Variants in ANO3 observed in about 807,000 individuals in gnomAD.
The protein encoded by ANO3 is anoctamin 3.
Under a neutral mutation model 144.8 loss-of-function variants are expected in ANO3, and 99 were observed. The ratio of observed to expected loss-of-function variants is 0.68; its 90% CI spans 0.58 to 0.81. ANO3 has a LOEUF of 0.81. ANO3 is among the 30% of genes least tolerant of loss of function. ANO3 has a pLI of 0.00. For missense variants in ANO3, 905 were observed against 1,202.2 expected (o/e 0.75, Z 3.66); for synonymous variants, 414 against 392.6 (o/e 1.05, Z -0.64).
chr11:26,279,084 A>C (rs1590230726), intron 1 of ANO3, among the ~76,000 whole-genome samples: 1 of 152,270 alleles, frequency 6.6e-6, no homozygotes. Flanking sequence ...AGGAGACTAG[A>C]AGCAAGAAAG....
intron 4 of ANO3, among the ~76,000 whole-genome samples, chr11:26,486,797 G>A (rs1860469421): frequency 6.6e-6 from 1 of 152,162 alleles, no homozygotes; most frequent in Non-Finnish European, 1.5e-5. Flanking sequence ...CCACTCTTTT[G>A]GAACCTGAAC....
intron 3 of ANO3, among the ~76,000 whole-genome samples, chr11:26,448,907 G>A (rs759899904): frequency 6.0e-5 from 9 of 150,914 alleles, no homozygotes; most frequent in African/African-American, 1.5e-4. Context: ...AATAACTTCC[G>A]AACAGATCTC....
At chr11:26,496,918 A>G (rs1860969331) in intron 4 of ANO3, among the ~76,000 whole-genome samples, 1 of 150,856 alleles carries the variant, frequency 6.6e-6, no homozygotes, top group Middle Eastern at 3.2e-3. Context: ...GTAGATTTAT[A>G]TATAAAATCA....
At chr11:26,229,495 G>A (rs762042507) in intron 1 of ANO3, among the ~76,000 whole-genome samples, 33 of 152,190 alleles carry the variant, frequency 2.2e-4, no homozygotes, top group Non-Finnish European at 3.5e-4. Flanking sequence ...ATGGAACTTC[G>A]CCAATGACAA....
rs71047855 is a variant in ANO3, at chr11:26,496,974, G to GTATATATATATATATA, written c.433-11123_433-11108dup. Among the ~76,000 whole-genome samples the GTATATATATATATATA allele has an allele frequency of 2.4e-3, 323 of 136,468 alleles. 1 individual carries two copies. The highest frequency in any genetic ancestry group is 8.5e-3 in the African/African-American group (306 of 36,184). The allele number at this position is 136,468 out of a possible 152,430, so 89.5% of individuals were successfully genotyped here. Reference sequence around the variant, plus strand: ...TGACTGTAAAGAGAAAATGTTGTGTGTATATATATATATATATATATACAC... The same window carrying GTATATATATATATATA: ...TGACTGTAAAGAGAAAATGTTGTGTGTATATATATATATATATATATATATATATATATATATACAC... On this transcript the variant is annotated intron_variant, in intron 4 of 26. Transcript: ENST00000256737.
rs538258118 is a variant in ANO3, at chr11:26,409,968, T to C, written c.47-31950T>C. ...AATTTTCTACACGATTGTAAGCTGA[T>C]TGGAAGCCTGATCCAGAATTATTTT... On this transcript the variant is annotated intron_variant, in intron 1 of 26. Transcript: ENST00000256737. Among the ~76,000 whole-genome samples, 11 of 152,092 alleles carry C rather than the reference T, an allele frequency of 7.2e-5. No homozygotes were observed. The South Asian group carries it at 2.1e-3, about 29-fold the overall frequency.
At chr11:26,372,698 G>T (rs953962232) in intron 1 of ANO3, among the ~76,000 whole-genome samples, 6 of 152,282 alleles carry the variant, frequency 3.9e-5, no homozygotes, top group Middle Eastern at 3.4e-3. Flanking sequence ...CAGGAAGTTA[G>T]TATTCTGGTG....
intron 1 of ANO3, among the ~76,000 whole-genome samples, chr11:26,353,101 G>A (rs1231046425): frequency 6.6e-6 from 1 of 152,212 alleles, no homozygotes; most frequent in African/African-American, 2.4e-5. Flanking sequence ...TGGAGCGTCT[G>A]TCTTTATGGG....
intron 1 of ANO3, among the ~76,000 whole-genome samples, chr11:26,213,385 C>G (rs557851932): frequency 8.2e-4 from 125 of 151,964 alleles, no homozygotes; most frequent in African/African-American, 2.1e-3. Context: ...GAAGCCCCAT[C>G]ATCTCAGCCC....
intron 18 of ANO3, among the ~76,000 whole-genome samples, chr11:26,633,748 T>A (rs1036107830): frequency 6.6e-6 from 1 of 152,180 alleles, no homozygotes; most frequent in African/African-American, 2.4e-5. Context: ...CAGACACAGA[T>A]GCTAGAAATC....
At chr11:26,420,270 A>G (rs1467016436) in intron 1 of ANO3, among the ~76,000 whole-genome samples, 3 of 152,024 alleles carry the variant, frequency 2.0e-5, no homozygotes, top group Non-Finnish European at 4.4e-5. Context: ...AAAAAATTAA[A>G]TTTTAGTCTC....
chr11:26,234,449 T>C lies in ANO3; in HGVS notation c.154+45119T>C, dbSNP rs545998892. Among the ~76,000 whole-genome samples the C allele has an allele frequency of 1.6e-4, 24 of 152,282 alleles. 1 individual carries two copies. The South Asian group carries it at 5.0e-3, about 32-fold the overall frequency. On this transcript the variant is annotated intron_variant, in intron 1 of 27. Coordinates refer to the ANO3 transcript ENST00000672621. ...ATATGGTGACAGCCTCCAAATACAC[T>C]AGCAAGGCCACTAACCAAGAGCTAA... is the stretch of plus-strand genomic sequence containing the variant.
chr11:26,511,488 T>C (rs1254030782), intron 5 of ANO3, among the ~76,000 whole-genome samples: 3 of 152,284 alleles, frequency 2.0e-5, no homozygotes, highest in East Asian at 3.9e-4. Flanking sequence ...CTTCAGAGAC[T>C]GCACAAGAAA....
chr11:26,564,692 TACACACAC>T (rs370277580), intron 14 of ANO3, among the ~76,000 whole-genome samples: 3,820 of 41,062 alleles, frequency 0.093, 460 homozygotes, highest in Non-Finnish European at 0.12. Context: ...CTCATATATA[TACACACAC>T]ACACACACAC....
intron 14 of ANO3, among the ~76,000 whole-genome samples, chr11:26,585,516 C>A (rs2132872051): frequency 6.6e-6 from 1 of 152,208 alleles, no homozygotes; most frequent in Admixed American, 6.5e-5. Flanking sequence ...GCCATTGTTC[C>A]TTTGCTCTTA....
At chr11:26,631,373 A>G (rs1024553584) in intron 18 of ANO3, among the ~76,000 whole-genome samples, 1 of 152,008 alleles carries the variant, frequency 6.6e-6, no homozygotes, top group African/African-American at 2.4e-5. Context: ...TCTTCTATAT[A>G]AGGCAATATT....
chr11:26,587,744 C>G (rs1000205045), intron 14 of ANO3, among the ~76,000 whole-genome samples: 1 of 151,992 alleles, frequency 6.6e-6, no homozygotes, highest in Non-Finnish European at 1.5e-5. Flanking sequence ...ATTGCCTGAG[C>G]TCAGGAGTTC....
intron 1 of ANO3, among the ~76,000 whole-genome samples, chr11:26,436,551 G>A (rs1372860259): frequency 6.6e-6 from 1 of 152,124 alleles, no homozygotes; most frequent in Non-Finnish European, 1.5e-5. Flanking sequence ...CCATCCTAGG[G>A]AGGTATGGAC....
chr11:26,256,917 C>T (rs1029201269), intron 1 of ANO3, among the ~76,000 whole-genome samples: 2 of 151,996 alleles, frequency 1.3e-5, no homozygotes, highest in African/African-American at 2.4e-5. Flanking sequence ...AAGGCAGATG[C>T]TGCCAGTATC....
Sources: gnomAD v4.1 joint callset for allele counts (sites outside exome capture counted in the v4.1 genomes callset) on GRCh38, gnomAD v4.1.1 for gene constraint, MANE v1.5 for transcripts, NCBI Gene and HGNC (gene_info 2026-07-23, HGNC 2026-07-21) for gene names.